The following PICALM variants were observed in gnomAD, a reference collection of about 807,000 sequenced individuals.
The protein encoded by PICALM is phosphatidylinositol binding clathrin assembly protein, also known as phosphatidylinositol-binding clathrin assembly protein.
Under a neutral mutation model 80.5 loss-of-function variants are expected in PICALM, and 40 were observed. That is an observed-to-expected ratio of 0.50 (90% confidence interval 0.39 to 0.65). The LOEUF is 0.65. Ranked by LOEUF, PICALM falls within the 30% of genes least tolerant of loss-of-function variation. The pLI is 0.00. For missense variants in PICALM, 676 were observed against 778.9 expected, an observed-to-expected ratio of 0.87 and a Z score of 1.57; for synonymous variants, 288 against 260.3, an observed-to-expected ratio of 1.11 and a Z score of -1.02.
chr11:86,039,369 T>C (rs2095905417), intron 1 of PICALM, among the ~76,000 whole-genome samples: 1 of 151,894 alleles, frequency 6.6e-6, no homozygotes, highest in Non-Finnish European at 1.5e-5. Flanking sequence ...ACCACTGCCC[T>C]CCAGCCTGGG....
At chr11:86,014,827 G>T in intron 5 of PICALM, 43 bp downstream of exon 5, 2 of 1,120,294 alleles carry the variant, frequency 1.8e-6, no homozygotes, top group South Asian at 1.4e-5. Flanking sequence ...GAATTATAAT[G>T]ACCTAATTTT....
chr11:86,006,483 C>T (rs1371220492), intron 8 of PICALM, among the ~76,000 whole-genome samples: 1 of 152,026 alleles, frequency 6.6e-6, no homozygotes, highest in Non-Finnish European at 1.5e-5. Flanking sequence ...CCCGTCTCTA[C>T]TAAAAATACG....
chr11:85,965,808 TTTTTTTG>T (rs2093865132), intron 19 of PICALM, among the ~76,000 whole-genome samples: 10 of 29,702 alleles, frequency 3.4e-4, no homozygotes, highest in African/African-American at 1.5e-3. Flanking sequence ...ACCCATTTTG[TTTTTTTG>T]TTTTTTTTTT....
At chr11:86,064,647 AT>A (rs1165960274) in intron 1 of PICALM, among the ~76,000 whole-genome samples, 2 of 135,102 alleles carry the variant, frequency 1.5e-5, no homozygotes, top group Non-Finnish European at 1.6e-5. Flanking sequence ...GACCCACCTC[AT>A]TTTAAAAAAA....
chr11:86,036,907 G>A (rs111680005), intron 1 of PICALM, among the ~76,000 whole-genome samples: 2 of 140,468 alleles, frequency 1.4e-5, no homozygotes, highest in East Asian at 4.1e-4. Context: ...TTTGAGACCA[G>A]CCTAAGCAAC....
intron 1 of PICALM, among the ~76,000 whole-genome samples, chr11:86,056,582 A>G (rs1472800375): frequency 6.6e-6 from 1 of 152,216 alleles, no homozygotes; most frequent in African/African-American, 2.4e-5. Flanking sequence ...ATGGGAATGT[A>G]AAACAGTGTC....
At chr11:86,039,522 A>C (rs1009809607) in intron 1 of PICALM, among the ~76,000 whole-genome samples, 1 of 152,174 alleles carries the variant, frequency 6.6e-6, no homozygotes, top group African/African-American at 2.4e-5. Context: ...CTCTCTAAAA[A>C]CTATTCAATA....
chr11:86,060,429 GA>G (rs1418610761), intron 1 of PICALM, among the ~76,000 whole-genome samples: 1 of 152,056 alleles, frequency 6.6e-6, no homozygotes, highest in African/African-American at 2.4e-5. Flanking sequence ...GGTTTAATAG[GA>G]AATAGTTGAA....
At chr11:86,041,430 G>C (rs1409479561) in intron 1 of PICALM, among the ~76,000 whole-genome samples, 2 of 152,050 alleles carry the variant, frequency 1.3e-5, no homozygotes, top group Non-Finnish European at 2.9e-5. Flanking sequence ...TCTACTTCAA[G>C]AACGGAACAC....
intron 1 of PICALM, among the ~76,000 whole-genome samples, chr11:86,066,672 A>G (rs2096452487): frequency 6.6e-6 from 1 of 152,022 alleles, no homozygotes. Flanking sequence ...TAAAAGCCTT[A>G]TCGATTCTTA....
At chr11:86,012,169 G>A in intron 6 of PICALM, 112 bp downstream of exon 6, 1 of 487,056 alleles carries the variant, frequency 2.1e-6, no homozygotes. Flanking sequence ...CTGTTACAAT[G>A]AATGAATATA....
At chr11:86,052,910 G>C (rs1379013245) in intron 1 of PICALM, among the ~76,000 whole-genome samples, 1 of 152,164 alleles carries the variant, frequency 6.6e-6, no homozygotes, top group South Asian at 2.1e-4. Context: ...CACAATTTCA[G>C]CTTCCTGTCT....
intron 1 of PICALM, among the ~76,000 whole-genome samples, chr11:86,039,168 T>C (rs980104981): frequency 6.6e-6 from 1 of 150,470 alleles, no homozygotes; most frequent in Admixed American, 6.6e-5. Flanking sequence ...CAACTAGATA[T>C]GCTATTTCTG....
At chr11:86,028,830 T>C (rs545536464) in intron 2 of PICALM, among the ~76,000 whole-genome samples, 1 of 134,644 alleles carries the variant, frequency 7.4e-6, no homozygotes, top group East Asian at 2.1e-4. Context: ...ATTACTGTTT[T>C]TAATTTTCTT....
chr11:86,005,540 C>G (rs1555074038), intron 8 of PICALM, among the ~76,000 whole-genome samples: 1 of 151,670 alleles, frequency 6.6e-6, no homozygotes, highest in Non-Finnish European at 1.5e-5. Context: ...CCTGTCTCCA[C>G]AAAAAAATAA....
chr11:86,025,289 A>G (rs143912217), intron 3 of PICALM, among the ~76,000 whole-genome samples: 16,010 of 151,898 alleles, frequency 0.11, 977 homozygotes, highest in Admixed American at 0.15. Flanking sequence ...AGTCCCAGCT[A>G]CTCGGGAGGC....
intron 19 of PICALM, among the ~76,000 whole-genome samples, chr11:85,959,275 G>T (rs1288728307): frequency 6.6e-6 from 1 of 152,178 alleles, no homozygotes; most frequent in African/African-American, 2.4e-5. Flanking sequence ...AATGTTTTTT[G>T]TTGTTGTTTT....
chr11:86,067,881 A>G (rs561551768), intron 1 of PICALM, among the ~76,000 whole-genome samples: 2 of 152,168 alleles, frequency 1.3e-5, no homozygotes, highest in African/African-American at 2.4e-5. Flanking sequence ...GGACAACACA[A>G]CGATTAAATT....
rs908723387 is a variant in PICALM at position 86,010,607 on chromosome 11, C to T, written c.765+423G>A. ...AAAATGCTGGGATTACAGGTCTGAG[C>T]CACGGTGCCCAGCCAACGAAAACAT... On this transcript the variant is annotated intron_variant, in intron 7 of 19. Transcript: ENST00000393346. Among the ~76,000 whole-genome samples, 6 of 152,158 alleles carry T rather than the reference C, an allele frequency of 3.9e-5. No individual in the cohort carries two copies. The South Asian group carries it at 1.2e-3, about 31-fold the overall frequency.
Sources: allele counts gnomAD v4.1 joint callset (sites outside exome capture counted in the v4.1 genomes callset), GRCh38; gene constraint gnomAD v4.1.1; transcripts MANE v1.5; gene names NCBI Gene and HGNC (gene_info 2026-07-23, HGNC 2026-07-21).